The following MYLK variants were observed in gnomAD, a reference collection of about 807,000 sequenced individuals.
MYLK encodes the protein myosin light chain kinase, smooth muscle.
A neutral mutation model predicts 203.4 loss-of-function variants in MYLK; 106 were observed. The observed-to-expected ratio is 0.52, with a 90% CI of 0.45 to 0.61. MYLK has a LOEUF of 0.61. Ranked by LOEUF, MYLK falls within the 20% of genes least tolerant of loss-of-function variation. The probability of loss-of-function intolerance (pLI) is 0.00; values close to 1 mark genes in which losing one functional copy is unlikely to be tolerated. For synonymous variants in MYLK, 867 were observed against 959.5 expected, an observed-to-expected ratio of 0.90 and a Z score of 1.78; for missense variants, 2,072 against 2,442.3, an observed-to-expected ratio of 0.85 and a Z score of 3.20.
intron 11 of MYLK, among the ~76,000 whole-genome samples, chr3:123,728,213 A>C (rs188755001): frequency 2.1e-4 from 32 of 152,346 alleles, no homozygotes; most frequent in Admixed American, 1.8e-3. Flanking sequence ...CAATAAAAAC[A>C]AACAAACATC....
chr3:123,724,200 T>G lies in MYLK; in HGVS notation c.1651+1744A>C, dbSNP rs553231058. Among the ~76,000 whole-genome samples the G allele has an allele frequency of 3.8e-4, 55 of 144,384 alleles. 1 individual carries two copies. Among genetic ancestry groups the G allele is most frequent in the African/African-American group, 1.3e-3 (53 of 39,380 alleles). The allele number at this position is 144,384 out of a possible 152,430, so 94.7% of individuals were successfully genotyped here. A position where few individuals can be genotyped will look rare whatever the true frequency, so the allele number is the denominator to read the frequency against. Reference sequence around the variant, plus strand: ...GTTCACTGTGTTGGCCAGGCTGGTCTTGAACTCCTGAGCTCAGGCAATCCA... The same window carrying G: ...GTTCACTGTGTTGGCCAGGCTGGTCGTGAACTCCTGAGCTCAGGCAATCCA... On this transcript the variant is annotated intron_variant, in intron 12 of 33. Transcript: ENST00000360304.
intron 16 of MYLK, among the ~76,000 whole-genome samples, chr3:123,702,727 G>A (rs948672097): frequency 2.6e-5 from 4 of 152,206 alleles, no homozygotes; most frequent in African/African-American, 7.2e-5. Context: ...AGTGGTTCAT[G>A]CCTGTAATCC....
chr3:123,801,082 C>G (rs925493852), intron 3 of MYLK, among the ~76,000 whole-genome samples: 1 of 152,110 alleles, frequency 6.6e-6, no homozygotes, highest in Non-Finnish European at 1.5e-5. Flanking sequence ...CTCCTTTTTG[C>G]AAATTAATGT....
At chr3:123,643,158 T>C (rs2058893144) in intron 27 of MYLK, among the ~76,000 whole-genome samples, 3 of 152,240 alleles carry the variant, frequency 2.0e-5, no homozygotes. Flanking sequence ...GCACTTTCCA[T>C]GGCCTTATGT....
chr3:123,730,051 A>T (rs529079017), intron 11 of MYLK, among the ~76,000 whole-genome samples: 29 of 152,040 alleles, frequency 1.9e-4, no homozygotes, highest in Admixed American at 5.9e-4. Context: ...ACATAGTGAG[A>T]CCTCCATCTC....
chr3:123,651,635 G>A (rs1471342754), intron 24 of MYLK, among the ~76,000 whole-genome samples: 1 of 152,176 alleles, frequency 6.6e-6, no homozygotes. Context: ...AGCTTTCCTG[G>A]CCTGGTGTCA....
At chr3:123,676,393 C>T (rs539952215) in intron 20 of MYLK, among the ~76,000 whole-genome samples, 3 of 152,304 alleles carry the variant, frequency 2.0e-5, no homozygotes, top group African/African-American at 4.8e-5. Context: ...TCTCTTCCAG[C>T]CTTTTGAATC....
At chr3:123,767,912 T>C (rs963165278) in intron 4 of MYLK, among the ~76,000 whole-genome samples, 3 of 152,230 alleles carry the variant, frequency 2.0e-5, no homozygotes, top group South Asian at 2.1e-4. Flanking sequence ...TGGAAGGGTC[T>C]GTAAACTTGT....
At position 123,700,872 on chromosome 3, in the gene MYLK, C is replaced by A; in HGVS notation, c.2596G>T (p.Gly866Cys). The A allele has an allele frequency of 6.2e-7, 1 of 1,613,456 alleles. No individual in the cohort carries two copies. The highest frequency in any genetic ancestry group is 1.1e-5 in the South Asian group (1 of 91,076). The part of the protein sequence containing the change: ...RGQGWLEEED[G>C]EDVRGVLKRR... ...TTCAGCACCCCTCGCACGTCCTCGC[C>A]GTCTTCCTCCTCTAGCCAACCCTGC... The change falls in exon 18 of 34, where the codon GGC becomes TGC. Residue 866 changes from glycine (G) to cysteine (C), a missense_variant. Physicochemically the swap from Gly to Cys is radical, Grantham distance 159 (BLOSUM62 -3). Around this residue, in one of 3 missense-constraint regions of MYLK, gnomAD observed 865 missense variants for 1,016.0 expected, o/e 0.85. Coordinates refer to ENST00000360304, the MANE Select transcript of MYLK (RefSeq NM_053025.4).
At chr3:123,852,082 T>C (rs1294254182) in intron 2 of MYLK, among the ~76,000 whole-genome samples, 12 of 152,312 alleles carry the variant, frequency 7.9e-5, no homozygotes, top group Admixed American at 7.2e-4. Context: ...GCCTTGCATC[T>C]CAGGGATGAA....
intron 3 of MYLK, among the ~76,000 whole-genome samples, chr3:123,799,157 G>A (rs2065099872): frequency 6.6e-6 from 1 of 152,060 alleles, no homozygotes; most frequent in African/African-American, 2.4e-5. Flanking sequence ...TGGTTCAAGA[G>A]CTGGAAACTC....
intron 24 of MYLK, 80 bp from the exon 25 acceptor site, chr3:123,649,274 G>T (rs569498613): frequency 5.1e-6 from 8 of 1,574,766 alleles, no homozygotes; most frequent in Admixed American, 3.4e-5. Flanking sequence ...TGTGCTGGGG[G>T]CCCTGCCAGG....
intron 4 of MYLK, among the ~76,000 whole-genome samples, chr3:123,792,072 C>T (rs116554604): frequency 1.3e-5 from 2 of 152,284 alleles, no homozygotes; most frequent in African/African-American, 4.8e-5. Context: ...GGCTCCTGGC[C>T]AGTGCTCAGC....
chr3:123,623,016 C>T (rs965662032), intron 31 of MYLK: 1 of 152,258 alleles, frequency 6.6e-6, no homozygotes, highest in Non-Finnish European at 1.5e-5. Flanking sequence ...CCTTGGAGAG[C>T]TTGTGGGGCC....
chr3:123,726,053 G>A lies in MYLK; in HGVS notation c.1542C>T (p.Pro514=). Residue 514 remains proline (P), a synonymous_variant, in exon 12 of 34, where the codon CCC becomes CCT. Transcript: ENST00000360304. ...VERLAVMEVA[P]SFSSVLKDCA... ...AGTCCTTCAGGACACTGGAGAAGGA[G>A]GGGGCCACCTCCATCACGGCAAGCC... 1 of 1,614,166 alleles carries A rather than the reference G, an allele frequency of 6.2e-7. No homozygotes were observed. Among genetic ancestry groups the A allele is most frequent in the Non-Finnish European group, 8.5e-7 (1 of 1,180,010 alleles).
chr3:123,675,534 C>T (rs1271412078), intron 20 of MYLK, among the ~76,000 whole-genome samples: 3 of 152,188 alleles, frequency 2.0e-5, no homozygotes, highest in Non-Finnish European at 4.4e-5. Context: ...CTCACGGAGT[C>T]AAAAGGTCTG....
intron 3 of MYLK, among the ~76,000 whole-genome samples, chr3:123,807,755 G>T (rs2065421280): frequency 6.6e-6 from 1 of 152,194 alleles, no homozygotes; most frequent in African/African-American, 2.4e-5. Flanking sequence ...GTTAGAGATT[G>T]TTCCCATTCA....
At position 123,640,039 on chromosome 3, in the gene MYLK, T is replaced by C. The variant is rs1006000150; in HGVS notation, c.4837+248A>G. Among the ~76,000 whole-genome samples the C allele has an allele frequency of 1.9e-4, 29 of 152,180 alleles. No individual in the cohort carries two copies. Among genetic ancestry groups the C allele is most frequent in the African/African-American group, 7.0e-4 (29 of 41,492 alleles). On this transcript the variant is annotated intron_variant, in intron 28 of 33. Transcript: ENST00000360304. This position sits in a 1 kb window ranked among gnomAD's most constrained non-coding sequence, Gnocchi z 4.3. ...AAAGCACTCTTCCCATCCCTTTACCTATATTAACACATTTGATCCTCCTAA... is the reference window on the plus strand; with the variant it reads ...AAAGCACTCTTCCCATCCCTTTACCCATATTAACACATTTGATCCTCCTAA...
At chr3:123,649,786 C>T (rs187932785) in intron 24 of MYLK, among the ~76,000 whole-genome samples, 21 of 152,322 alleles carry the variant, frequency 1.4e-4, no homozygotes, top group African/African-American at 4.1e-4. Context: ...ACCATAATCA[C>T]GCACATATCA....
Sources: allele counts gnomAD v4.1 joint callset (sites outside exome capture counted in the v4.1 genomes callset), GRCh38; gene constraint gnomAD v4.1.1; regional missense constraint gnomAD v4.1.1; non-coding constraint Gnocchi (gnomAD v3.1); transcripts MANE v1.5; gene names NCBI Gene and HGNC (gene_info 2026-07-23, HGNC 2026-07-21).